The following ZCCHC7 variants were observed in gnomAD, a reference collection of about 807,000 sequenced individuals.
ZCCHC7 encodes zinc finger CCHC-type containing 7.
A neutral mutation model predicts 52.0 loss-of-function variants in ZCCHC7; 35 were observed. The ratio of observed to expected loss-of-function variants is 0.67; its 90% confidence interval spans 0.51 to 0.89. The LOEUF (loss-of-function observed/expected upper bound fraction) is 0.89, where lower values mean the gene tolerates loss of function less well. Among genes scored for constraint, ZCCHC7 ranks in the 40% least tolerant of loss-of-function variants. The pLI is 0.00. For missense variants in ZCCHC7, 574 were observed against 649.1 expected (o/e 0.88, Z 1.26); for synonymous variants, 217 against 221.5 (o/e 0.98, Z 0.18).
In ZCCHC7 at chr9:37,302,198, T is replaced by G. The variant is rs1829064309; in HGVS notation, c.621T>G (p.Gly207=). 6.2e-7 allele frequency: 1 copy of G among 1,609,024 alleles called. No homozygotes were observed. Among genetic ancestry groups the G allele is most frequent in the African/African-American group, 1.3e-5 (1 of 74,768 alleles). The change falls in exon 3 of 9, where the codon GGT becomes GGG. Residue 207 remains glycine, a synonymous_variant. Transcript: ENST00000336755. ...TTATTTGTTTTGTAGGAGAAGATGG[T>G]ATAAACTGGTCCATCAGTGACAAAG... is the stretch of plus-strand genomic sequence containing the variant. ...CENSVTEGED[G]INWSISDKDI...
At position 37,267,572 on chromosome 9, in the gene ZCCHC7, T is replaced by TC. The variant is rs1426757035; in HGVS notation, c.611-34616_611-34615insC. ...CATGCACGGCTAATTTTTTCTTTTT[T>TC]TTTTTTTTTTTTTTTGAGACAGAGT... On this transcript the variant is annotated intron_variant, in intron 2 of 8. Coordinates refer to ENST00000336755, the MANE Select transcript of ZCCHC7 (RefSeq NM_032226.3). Among the ~76,000 whole-genome samples the TC allele has an allele frequency of 9.1e-5, 13 of 143,448 alleles. No homozygotes were observed. The East Asian group carries it at 2.6e-3, about 29-fold the overall frequency. The allele number at this position is 143,448 out of a possible 152,430, so 94.1% of individuals were successfully genotyped here.
intron 6 of ZCCHC7, among the ~76,000 whole-genome samples, chr9:37,336,305 T>C (rs549634809): frequency 6.6e-6 from 1 of 152,332 alleles, no homozygotes; most frequent in Admixed American, 6.5e-5. Flanking sequence ...GCAGTTTGTA[T>C]TCTTTCAAAG....
chr9:37,355,163 C>T (rs1821619619), intron 8 of ZCCHC7, among the ~76,000 whole-genome samples: 1 of 151,894 alleles, frequency 6.6e-6, no homozygotes. Context: ...TTGTATTTCT[C>T]CAGTATTTTT....
At chr9:37,206,821 A>G (rs1009370557) in intron 2 of ZCCHC7, among the ~76,000 whole-genome samples, 1 of 152,124 alleles carries the variant, frequency 6.6e-6, no homozygotes, top group African/African-American at 2.4e-5. Context: ...TGTAAGATTC[A>G]ACTTACCTAT....
At chr9:37,314,948 A>T (rs931415420) in intron 5 of ZCCHC7, among the ~76,000 whole-genome samples, 1 of 152,050 alleles carries the variant, frequency 6.6e-6, no homozygotes, top group African/African-American at 2.4e-5. Flanking sequence ...TGTTGTACTA[A>T]TCAATCCTAG....
chr9:37,311,093 G>T (rs1829579826), intron 5 of ZCCHC7, among the ~76,000 whole-genome samples: 1 of 152,016 alleles, frequency 6.6e-6, no homozygotes, highest in Non-Finnish European at 1.5e-5. Context: ...AGTATAGAAT[G>T]TTGATTTTCA....
At chr9:37,315,978 G>A (rs1413313278) in intron 5 of ZCCHC7, among the ~76,000 whole-genome samples, 2 of 147,324 alleles carry the variant, frequency 1.4e-5, no homozygotes, top group African/African-American at 5.0e-5. Context: ...AACACTGGAT[G>A]AAATAATTTA....
intron 2 of ZCCHC7, among the ~76,000 whole-genome samples, chr9:37,248,767 C>A (rs1421126385): frequency 1.2e-4 from 18 of 152,128 alleles, no homozygotes; most frequent in Admixed American, 1.2e-3. Flanking sequence ...GAATACTTTC[C>A]TGATTTTACT....
chr9:37,273,804 T>A (rs1235516428), intron 2 of ZCCHC7, among the ~76,000 whole-genome samples: 1 of 151,980 alleles, frequency 6.6e-6, no homozygotes, highest in African/African-American at 2.4e-5. Flanking sequence ...CTGTTCATAT[T>A]TTTTGCCCAT....
intron 2 of ZCCHC7, among the ~76,000 whole-genome samples, chr9:37,211,266 A>T (rs953377780): frequency 6.6e-6 from 1 of 152,222 alleles, no homozygotes; most frequent in East Asian, 1.9e-4. Context: ...GAATTGGGTC[A>T]TAATTTTTTC....
chr9:37,217,234 G>A lies in ZCCHC7; in HGVS notation c.611-84954G>A, dbSNP rs1293267010. 5.3e-5 allele frequency among the ~76,000 whole-genome samples: 8 copies of A among 152,002 alleles called. No individual in the cohort carries two copies. The East Asian group carries it at 5.8e-4, about 11-fold the overall frequency. On this transcript the variant is annotated intron_variant, in intron 2 of 8. Coordinates refer to ENST00000336755, the MANE Select transcript of ZCCHC7 (RefSeq NM_032226.3). ...TTATTTCTAATTCTTAACAGTATCC[G>A]TGAAAATAAAAAGAAATGTTTCATG...
intron 2 of ZCCHC7, among the ~76,000 whole-genome samples, chr9:37,259,462 A>G (rs903414270): frequency 1.3e-5 from 2 of 152,160 alleles, no homozygotes; most frequent in East Asian, 1.9e-4. Flanking sequence ...AGTAATGTCA[A>G]TTATGTTTGG....
chr9:37,306,057 ATATT>A (rs539869053), intron 5 of ZCCHC7, among the ~76,000 whole-genome samples: 4 of 151,680 alleles, frequency 2.6e-5, no homozygotes, highest in Non-Finnish European at 5.9e-5. Context: ...TTGTGTATTC[ATATT>A]TATTTATTTA....
At chr9:37,147,996 A>C (rs1843511894) in intron 2 of ZCCHC7, among the ~76,000 whole-genome samples, 1 of 151,998 alleles carries the variant, frequency 6.6e-6, no homozygotes, top group South Asian at 2.1e-4. Flanking sequence ...TCCTGTCAGT[A>C]ATTGTTTTTT....
chr9:37,268,733 T>A (rs887984774), intron 2 of ZCCHC7, among the ~76,000 whole-genome samples: 6 of 152,160 alleles, frequency 3.9e-5, no homozygotes, highest in Non-Finnish European at 5.9e-5. Flanking sequence ...GCCGCAAAAT[T>A]TCTACTCTTT....
intron 2 of ZCCHC7, among the ~76,000 whole-genome samples, chr9:37,263,290 G>A (rs1449029399): frequency 2.0e-5 from 3 of 151,662 alleles, no homozygotes; most frequent in East Asian, 3.9e-4. Flanking sequence ...GTTTATCCCA[G>A]CCTTTTCCTA....
At position 37,357,234 on chromosome 9, in the gene ZCCHC7, T is replaced by G. The variant is rs1437145399; in HGVS notation, c.1598T>G (p.Leu533Ter). The G allele has an allele frequency of 6.2e-7, 1 of 1,604,594 alleles. No individual in the cohort carries two copies. The highest frequency in any genetic ancestry group is 8.5e-7 in the Non-Finnish European group (1 of 1,177,606). ...TGGGAAGATGATGACAATGATAACT[T>G]ATTTCTTATTAAGCAGAGAAAAAAA... Reference protein sequence around the residue: ...RCWEDDDNDNLFLIKQRKKKS With the variant: ...RCWEDDDNDN Residue 533 changes from leucine to a stop codon, truncating the protein, a stop_gained, in exon 9 of 9, where the codon TTA becomes TGA. Transcript: ENST00000336755. LOFTEE classifies it high-confidence loss of function.
At chr9:37,147,161 A>G (rs182053591) in intron 2 of ZCCHC7, among the ~76,000 whole-genome samples, 20 of 152,076 alleles carry the variant, frequency 1.3e-4, no homozygotes, top group African/African-American at 4.3e-4. Context: ...AATAATTGCA[A>G]TATTAAAAAG....
chr9:37,223,592 A>G (rs375660689), intron 2 of ZCCHC7, among the ~76,000 whole-genome samples: 12 of 152,292 alleles, frequency 7.9e-5, no homozygotes, highest in African/African-American at 2.9e-4. Flanking sequence ...TTGTGAGTAT[A>G]ATTAATGATA....
Sources: allele counts gnomAD v4.1 joint callset (sites outside exome capture counted in the v4.1 genomes callset), GRCh38; gene constraint gnomAD v4.1.1; transcripts MANE v1.5; gene names NCBI Gene and HGNC (gene_info 2026-07-23, HGNC 2026-07-21).